PSG4: variants seen among roughly 807,000 people sequenced by gnomAD.
PSG4 encodes the protein pregnancy specific beta-1-glycoprotein 4, also known as pregnancy-specific beta-1-glycoprotein 4.
PSG4 carries 61 observed loss-of-function variants against 44.3 expected under a neutral mutation model. The observed-to-expected ratio is 1.38, with a 90% CI of 1.12 to 1.70. The LOEUF is 1.70. Among genes scored for constraint, PSG4 ranks in the 40% most tolerant of loss-of-function variants. PSG4 has a pLI of 0.00. For synonymous variants in PSG4, 248 were observed against 191.3 expected (o/e 1.30, Z -2.45); for missense variants, 677 against 511.7 (o/e 1.32, Z -3.12).
Position 43,193,245 on chromosome 19 carries a change from T to A in PSG4, c.*127A>T. On this transcript the variant is annotated 3_prime_UTR_variant, in exon 6 of 6. Coordinates refer to ENST00000405312, the MANE Select transcript of PSG4 (RefSeq NM_002780.5). Reference sequence around the variant, plus strand: ...AGTTCTGAGTGGCTCACATGTCAGGTACAAGGGTTTTCCCATGAAATTTAC... The same window carrying A: ...AGTTCTGAGTGGCTCACATGTCAGGAACAAGGGTTTTCCCATGAAATTTAC... The A allele has an allele frequency of 1.3e-6, 1 of 765,736 alleles. No individual in the cohort carries two copies. The highest frequency in any genetic ancestry group is 2.4e-6 in the Non-Finnish European group (1 of 417,394). 47.4% of individuals were successfully genotyped at this position (765,736 alleles called of 1,614,324 possible).
intron 2 of PSG4, among the ~76,000 whole-genome samples, chr19:43,201,398 G>A (rs1356714508): frequency 2.1e-5 from 3 of 145,684 alleles, no homozygotes; most frequent in East Asian, 2.3e-4. Context: ...GACTGCTCCA[G>A]TGTCATTTGG....
chr19:43,201,409 C>G (rs561107836), intron 2 of PSG4, among the ~76,000 whole-genome samples: 1 of 145,458 alleles, frequency 6.9e-6, no homozygotes. Flanking sequence ...TGTCATTTGG[C>G]AAGAGTTTAC....
Position 43,195,186 on chromosome 19 carries a change from C to G in PSG4, c.797G>C (p.Ser266Thr). The G allele has an allele frequency of 6.2e-7, 1 of 1,610,064 alleles. No individual in the cohort carries two copies. The highest frequency in any genetic ancestry group is 1.1e-5 in the South Asian group (1 of 90,922). ...CCACCAAATGTAGGTGTAGTTCTTACTCTTAGGTTCACAGGTGAAGGTTAA... is the reference window on the plus strand; with the variant it reads ...CCACCAAATGTAGGTGTAGTTCTTAGTCTTAGGTTCACAGGTGAAGGTTAA... ...DVLTFTCEPK[S>T]KNYTYIWWLN... Residue 266 changes from serine to threonine, a missense_variant, in exon 4 of 6, where the codon AGT becomes ACT. Ser to Thr is a moderately conservative substitution (Grantham distance 58). Transcript: ENST00000405312.
chr19:43,193,434 A>G (rs1364593867), intron 5 of PSG4, 46 bp from the exon 6 acceptor site: 29 of 766,190 alleles, frequency 3.8e-5, no homozygotes, highest in Middle Eastern at 2.2e-4. Context: ...CAGAGCTGCA[A>G]TCTCATAACC....
At chr19:43,196,772 T>C (rs922247527) in intron 3 of PSG4, 2 of 151,336 alleles carry the variant, frequency 1.3e-5, no homozygotes, top group Non-Finnish European at 1.5e-5. Flanking sequence ...CTTTCCACGT[T>C]TTCATGGTTG....
rs539648675 is a variant in PSG4 at position 43,198,397 on chromosome 19, A to C, written c.431-122T>G. ...CACCCAAGTCCTTAAAAGCCCATGG[A>C]AGATGTGTGTGTTAAAGACAGATGC... On this transcript the variant is annotated intron_variant, in intron 2 of 5. Transcript: ENST00000405312. 24 of 1,431,188 alleles carry C rather than the reference A, an allele frequency of 1.7e-5. 1 individual carries two copies. The highest frequency in any genetic ancestry group is 4.1e-5 in the South Asian group (3 of 72,332). The allele number at this position is 1,431,188 out of a possible 1,614,324, so 88.7% of individuals were successfully genotyped here. A position where few individuals can be genotyped will look rare whatever the true frequency, so the allele number is the denominator to read the frequency against.
chr19:43,202,478 A>C (rs10403349), intron 2 of PSG4, among the ~76,000 whole-genome samples: 25,617 of 142,536 alleles, frequency 0.18, 3,836 homozygotes, highest in Non-Finnish European at 0.26. Context: ...TGCATCCAAC[A>C]TCCAGTCTCT....
intron 3 of PSG4, among the ~76,000 whole-genome samples, chr19:43,195,594 T>C (rs1967209984): frequency 6.6e-6 from 1 of 151,374 alleles, no homozygotes; most frequent in South Asian, 2.1e-4. Context: ...ACTTGCTGGC[T>C]CACCTTGGGT....
chr19:43,197,825 G>T lies in PSG4; in HGVS notation c.709+172C>A, dbSNP rs1446083744. ...GGAGCAGCCTCTTTTCTCCTATTGTGGATCAAGCCTAGGCCTACTCTGGTT... is the reference window on the plus strand; with the variant it reads ...GGAGCAGCCTCTTTTCTCCTATTGTTGATCAAGCCTAGGCCTACTCTGGTT... On this transcript the variant is annotated intron_variant, in intron 3 of 5. Transcript: ENST00000405312. The T allele has an allele frequency of 1.2e-5, 16 of 1,322,104 alleles. 2 individuals are homozygous for T. Among genetic ancestry groups the T allele is most frequent in the Admixed American group, 2.3e-5 (1 of 42,682 alleles). The allele number at this position is 1,322,104 out of a possible 1,614,324, so 81.9% of individuals were successfully genotyped here. A position where few individuals can be genotyped will look rare whatever the true frequency, so the allele number is the denominator to read the frequency against.
rs780056417 is a variant in PSG4, at chr19:43,194,307, T to A, written c.1243+33A>T. 11 of 1,611,778 alleles carry A rather than the reference T, an allele frequency of 6.8e-6. 1 individual carries two copies. Among genetic ancestry groups the A allele is most frequent in the African/African-American group, 5.4e-5 (4 of 74,522 alleles). On this transcript the variant is annotated intron_variant, in intron 5 of 5. Transcript: ENST00000405312. The stretch of plus-strand genomic sequence containing the variant: ...GAATGCCAGATAGACTCCACCTAAA[T>A]CCCTATTGCCAAGGATGCTGGGATC...
chr19:43,203,283 C>A (rs1373002871), intron 2 of PSG4: 2 of 148,652 alleles, frequency 1.3e-5, no homozygotes, highest in Admixed American at 6.5e-5. Flanking sequence ...TCTTTCTATC[C>A]TCTCCACTCT....
chr19:43,194,059 A>G, intron 5 of PSG4: 1 of 1,177,192 alleles, frequency 8.5e-7, no homozygotes, highest in East Asian at 2.6e-5. Flanking sequence ...AAATTTTCAA[A>G]TAAAAATCAT....
chr19:43,204,215 G>A lies in PSG4; in HGVS notation c.101C>T (p.Ala34Val), dbSNP rs764938326. The A allele has an allele frequency of 4.6e-5, 72 of 1,581,060 alleles. 4 individuals carry two copies. Among genetic ancestry groups the A allele is most frequent in the Non-Finnish European group, 5.9e-5 (69 of 1,168,018 alleles). The stretch of plus-strand genomic sequence containing the variant: ...TGGCTGGGCTTCAATCGTGACTTGG[G>A]CAGTTGTGGGCGGATTCCAGAAGTT... ...LLNFWNPPTT[A>V]QVTIEAQPPK... The change falls in exon 2 of 6, where the codon GCC becomes GTC. Residue 34 changes from alanine (A) to valine (V), a missense_variant. Transcript: ENST00000405312.
rs1967743355 is a variant in PSG4, at chr19:43,205,480, C to G, written c.57G>C (p.Leu19=). 1.3e-6 allele frequency: 2 copies of G among 1,548,022 alleles called. No individual in the cohort carries two copies. Among genetic ancestry groups the G allele is most frequent in the South Asian group, 2.2e-5 (2 of 89,228 alleles). Residue 19 remains leucine (L), a synonymous_variant, in exon 1 of 6, where the codon CTG becomes CTC. Coordinates refer to ENST00000405312, the MANE Select transcript of PSG4 (RefSeq NM_002780.5). The stretch of plus-strand genomic sequence containing the variant: ...AGGAAGTTCTCTCCTCACCTGTGAG[C>G]AGGACCCCCTTCCAGGTGATGCGCT... ...CTQRITWKGV[L]LTASLLNFWN...
rs1967643871 is a variant in PSG4, at chr19:43,204,050, A to T, written c.266T>A (p.Ile89Asn). The T allele has an allele frequency of 1.9e-6, 3 of 1,586,816 alleles. No homozygotes were observed. ...TCCACTGTATGCAGGCCCATATATA[A>T]TTCTTTGACCGTCTACTACATATGA... ...ITSYVVDGQR[I>N]IYGPAYSGRE... The change falls in exon 2 of 6, where the codon ATT (isoleucine) becomes AAT (asparagine). Residue 89 changes from isoleucine (I) to asparagine (N), a missense_variant. Ile to Asn is a moderately radical substitution (Grantham distance 149). Coordinates refer to ENST00000405312, the MANE Select transcript of PSG4 (RefSeq NM_002780.5).
chr19:43,202,916 C>G lies in PSG4; in HGVS notation c.430+970G>C, dbSNP rs918367503. On this transcript the variant is annotated intron_variant, in intron 2 of 5. Transcript: ENST00000405312. ...GAGAGGAAGGGCCTGTGGCTGCAGA[C>G]AGACCTCATGTGACCCCGATCTCCC... is the stretch of plus-strand genomic sequence containing the variant. Among the ~76,000 whole-genome samples the G allele has an allele frequency of 9.0e-5, 13 of 144,798 alleles. 1 individual carries two copies. Among genetic ancestry groups the G allele is most frequent in the African/African-American group, 3.5e-4 (13 of 37,494 alleles). 95.0% of individuals were successfully genotyped at this position (144,798 alleles called of 152,430 possible). A position where few individuals can be genotyped will look rare whatever the true frequency, so the allele number is the denominator to read the frequency against.
rs370527159 is a variant in PSG4, at chr19:43,203,866, G to A, written c.430+20C>T. ...TGACCCCTGTCCCCCAACACCCAGGGATCATGTGGAATCACTCACGGTGTA... is the reference window on the plus strand; with the variant it reads ...TGACCCCTGTCCCCCAACACCCAGGAATCATGTGGAATCACTCACGGTGTA... On this transcript the variant is annotated intron_variant, in intron 2 of 5. Transcript: ENST00000405312. 7 of 1,572,964 alleles carry A rather than the reference G, an allele frequency of 4.5e-6. 1 individual carries two copies. The African/African-American group carries it at 8.7e-5, about 19-fold the overall frequency.
intron 2 of PSG4, among the ~76,000 whole-genome samples, chr19:43,200,938 C>T (rs977067929): frequency 1.4e-5 from 2 of 145,870 alleles, no homozygotes; most frequent in African/African-American, 5.2e-5. Flanking sequence ...AAATTTTAAG[C>T]TTGTTATATG....
intron 5 of PSG4, 39 bp downstream of exon 5, chr19:43,194,300 AC>A: frequency 6.2e-7 from 1 of 1,611,756 alleles, no homozygotes; most frequent in East Asian, 2.2e-5. Context: ...GATAGACTCC[AC>A]CTAAATCCCT....
Sources: allele counts gnomAD v4.1 joint callset (sites outside exome capture counted in the v4.1 genomes callset), GRCh38; gene constraint gnomAD v4.1.1; transcripts MANE v1.5; gene names NCBI Gene and HGNC (gene_info 2026-07-23, HGNC 2026-07-21).